Variants in FGF14 observed in about 807,000 individuals in gnomAD.
The protein encoded by FGF14 is fibroblast growth factor homologous factor 4.
FGF14 carries 5 observed loss-of-function variants against 25.5 expected under a neutral mutation model. The ratio of observed to expected loss-of-function variants is 0.20; its 90% CI spans 0.10 to 0.41. The LOEUF (loss-of-function observed/expected upper bound fraction) is 0.41, where lower values mean the gene tolerates loss of function less well. Among genes scored for constraint, FGF14 ranks in the 10% least tolerant of loss-of-function variants. The probability of loss-of-function intolerance (pLI) is 1.00; values close to 1 mark genes in which losing one functional copy is unlikely to be tolerated. For synonymous variants in FGF14, 138 were observed against 118.3 expected, an observed-to-expected ratio of 1.17 and a Z score of -1.08; for missense variants, 222 against 320.1, an observed-to-expected ratio of 0.69 and a Z score of 2.34.
At chr13:102,330,402 T>C (rs1193286553) in intron 1 of FGF14, among the ~76,000 whole-genome samples, 1 of 152,118 alleles carries the variant, frequency 6.6e-6, no homozygotes, top group Non-Finnish European at 1.5e-5. Flanking sequence ...TTCAAGAACA[T>C]TGCTATAGCA....
At position 102,253,788 on chromosome 13, in the gene FGF14, G is replaced by A. The variant is rs187220492; in HGVS notation, c.208+147683C>T. Among the ~76,000 whole-genome samples the A allele has an allele frequency of 1.6e-3, 246 of 152,300 alleles. 1 individual carries two copies. Among genetic ancestry groups the A allele is most frequent in the Admixed American group, 3.3e-3 (51 of 15,304 alleles). On this transcript the variant is annotated intron_variant, in intron 1 of 4. Transcript: ENST00000376131. ...TGGGATGTGGAATCAGATACAGAAG[G>A]CTGGCTGGAGGTGAAAGAACTGTAA...
chr13:101,787,928 G>C (rs540828329), intron 3 of FGF14, among the ~76,000 whole-genome samples: 1 of 152,320 alleles, frequency 6.6e-6, no homozygotes, highest in South Asian at 2.1e-4. Flanking sequence ...CTAGGGTGCA[G>C]TGGCAGGATT....
At position 101,717,055 on chromosome 13, in the gene FGF14, C is replaced by T. The variant is rs2034751513; in HGVS notation, c.*5776G>A. On this transcript the variant is annotated 3_prime_UTR_variant, in exon 5 of 5. Coordinates refer to ENST00000376143, the MANE Select transcript of FGF14 (RefSeq NM_004115.4). ...CTAAAGGTGAATTACTTTGTAAAAT[C>T]CTAGAATAATGTAGCAAAATCATTT... 6.6e-6 allele frequency: 1 copy of T among 151,594 alleles called. No individual in the cohort carries two copies. The highest frequency in any genetic ancestry group is 1.5e-5 in the Non-Finnish European group (1 of 67,898). The allele number at this position is 151,594 out of a possible 1,614,324, so 9.4% of individuals were successfully genotyped here.
At chr13:101,858,555 C>A (rs1055432988) in intron 3 of FGF14, among the ~76,000 whole-genome samples, 13 of 152,044 alleles carry the variant, frequency 8.6e-5, no homozygotes, top group African/African-American at 3.1e-4. Flanking sequence ...AAACTCCTTA[C>A]ATATAAAAAT....
chr13:102,401,126 A>T (rs923872023), intron 1 of FGF14, among the ~76,000 whole-genome samples: 1 of 152,004 alleles, frequency 6.6e-6, no homozygotes, highest in African/African-American at 2.4e-5. Flanking sequence ...TTTTCCTGGC[A>T]ACTACCGAAG....
At chr13:102,300,494 C>A (rs559210000) in intron 1 of FGF14, among the ~76,000 whole-genome samples, 38 of 152,090 alleles carry the variant, frequency 2.5e-4, no homozygotes, top group Non-Finnish European at 5.6e-4. Context: ...GAAGTTAATG[C>A]CAACCTCATC....
rs1418325250 is a variant in FGF14, at chr13:101,808,692, G to A, written c.408+60033C>T. Among the ~76,000 whole-genome samples, 6 of 152,030 alleles carry A rather than the reference G, an allele frequency of 3.9e-5. 1 individual carries two copies. ...TATTTATTGGAAATGAATACTGAGA[G>A]ATAGGAGTCCCAGAAGATAAGAGAT... On this transcript the variant is annotated intron_variant, in intron 3 of 4. Coordinates refer to ENST00000376143, the MANE Select transcript of FGF14 (RefSeq NM_004115.4).
intron 1 of FGF14, among the ~76,000 whole-genome samples, chr13:102,041,941 AG>A (rs1455842164): frequency 6.6e-6 from 1 of 152,136 alleles, no homozygotes; most frequent in African/African-American, 2.4e-5. Flanking sequence ...CCATTGCTTG[AG>A]AATGCACATC....
chr13:102,309,135 T>TACACACACACACACACACACACACACAC (rs34911009), intron 1 of FGF14, among the ~76,000 whole-genome samples: 18 of 142,562 alleles, frequency 1.3e-4, no homozygotes, highest in African/African-American at 4.0e-4. Context: ...ATGCATAACA[T>TACACACACACACACACACACACACACAC]ACACACACAC....
At chr13:102,099,803 A>T (rs1323189525) in intron 1 of FGF14, among the ~76,000 whole-genome samples, 1 of 152,152 alleles carries the variant, frequency 6.6e-6, no homozygotes, top group Non-Finnish European at 1.5e-5. Context: ...ATTTGTCAGT[A>T]ATATTAATAA....
chr13:102,394,328 C>T (rs1161627569), intron 1 of FGF14: 1 of 152,368 alleles, frequency 6.6e-6, no homozygotes, highest in African/African-American at 2.4e-5. Flanking sequence ...CATGGGGTGC[C>T]CCCGCGTCAA....
intron 1 of FGF14, among the ~76,000 whole-genome samples, chr13:102,275,192 T>A (rs965835578): frequency 6.0e-5 from 9 of 150,892 alleles, no homozygotes; most frequent in African/African-American, 2.2e-4. Flanking sequence ...TCCTGTAATG[T>A]CCTGCAGAAG....
intron 1 of FGF14, among the ~76,000 whole-genome samples, chr13:102,027,228 GACACACACATAC>G (rs2040974394): frequency 6.7e-6 from 1 of 150,372 alleles, no homozygotes; most frequent in South Asian, 2.1e-4. Flanking sequence ...CATACACACA[GACACACACATAC>G]ACACACACAT....
At chr13:101,934,140 C>T (rs369620373) in intron 1 of FGF14, among the ~76,000 whole-genome samples, 3 of 152,286 alleles carry the variant, frequency 2.0e-5, no homozygotes, top group East Asian at 3.9e-4. Flanking sequence ...GTGGTTGTTG[C>T]TAAATTAGAA....
chr13:101,860,699 C>T (rs146166969), intron 3 of FGF14, among the ~76,000 whole-genome samples: 2 of 152,184 alleles, frequency 1.3e-5, no homozygotes, highest in Non-Finnish European at 2.9e-5. Flanking sequence ...ATCTCAGCCT[C>T]CCAAAGCACT....
chr13:102,350,845 T>C (rs2057257031), intron 1 of FGF14, among the ~76,000 whole-genome samples: 1 of 152,218 alleles, frequency 6.6e-6, no homozygotes, highest in Non-Finnish European at 1.5e-5. Context: ...TGTCTATTCA[T>C]CTCCTGCAAG....
chr13:101,915,206 T>C (rs1419893573), intron 1 of FGF14, among the ~76,000 whole-genome samples: 1 of 152,190 alleles, frequency 6.6e-6, no homozygotes, highest in African/African-American at 2.4e-5. Flanking sequence ...CAACAAGAAA[T>C]TGTCCTTTTA....
chr13:101,917,369 G>A (rs1337845486), upstream of FGF14, among the ~76,000 whole-genome samples: 2 of 151,866 alleles, frequency 1.3e-5, no homozygotes, highest in Non-Finnish European at 2.9e-5. Flanking sequence ...AGGTAATAAT[G>A]ATTTAAAAAT....
chr13:102,008,781 C>T (rs1650950981), intron 1 of FGF14, among the ~76,000 whole-genome samples: 1 of 152,070 alleles, frequency 6.6e-6, no homozygotes, highest in East Asian at 1.9e-4. Context: ...AAATCAAACA[C>T]ATTTTCAGTA....
Sources: gnomAD v4.1 joint callset for allele counts (sites outside exome capture counted in the v4.1 genomes callset) on GRCh38, gnomAD v4.1.1 for gene constraint, MANE v1.5 for transcripts, NCBI Gene and HGNC (gene_info 2026-07-23, HGNC 2026-07-21) for gene names.